DSG1: variants seen among roughly 807,000 people sequenced by gnomAD.
DSG1 encodes desmoglein 1, also known as desmoglein-1.
DSG1 carries 39 observed loss-of-function variants against 97.5 expected under a neutral mutation model. The ratio of observed to expected loss-of-function variants is 0.40; its 90% CI spans 0.31 to 0.52. The LOEUF is 0.52. Ranked by LOEUF, DSG1 falls within the 20% of genes least tolerant of loss-of-function variation. DSG1 has a pLI of 0.53. For synonymous variants in DSG1, 475 were observed against 443.4 expected, an observed-to-expected ratio of 1.07 and a Z score of -0.90; for missense variants, 1,311 against 1,295.4, an observed-to-expected ratio of 1.01 and a Z score of -0.18.
intron 14 of DSG1, among the ~76,000 whole-genome samples, chr18:31,353,467 G>T (rs1445162952): frequency 2.0e-5 from 3 of 152,078 alleles, no homozygotes; most frequent in African/African-American, 7.2e-5. Flanking sequence ...ACAGAGGCAG[G>T]CAGGCCTCCT....
chr18:31,352,807 G>GT (rs1488446783), intron 14 of DSG1, among the ~76,000 whole-genome samples: 4 of 146,128 alleles, frequency 2.7e-5, no homozygotes, highest in Non-Finnish European at 5.9e-5. Context: ...TCGAGCCTTG[G>GT]TTTTCAGCTC....
In DSG1 at chr18:31,337,896, AG is replaced by A. The variant is rs113933925; in HGVS notation, c.1266-413del. ...GCATGTGAGAAGGAGGAGCAGAAAC[AG>A]GGGGGAAGTTCAGGCCAAGCTGATG... is the stretch of plus-strand genomic sequence containing the variant. On this transcript the variant is annotated intron_variant, in intron 9 of 14. Coordinates refer to ENST00000257192, the MANE Select transcript of DSG1 (RefSeq NM_001942.4). Among the ~76,000 whole-genome samples, 688 of 152,242 alleles carry A rather than the reference AG, an allele frequency of 4.5e-3. 5 individuals are homozygous for A. The highest frequency in any genetic ancestry group is 0.016 in the African/African-American group (651 of 41,542).
intron 10 of DSG1, 68 bp from the exon 11 acceptor site, chr18:31,339,676 T>G (rs1346507637): frequency 4.1e-6 from 5 of 1,232,726 alleles, no homozygotes; most frequent in Non-Finnish European, 5.9e-6. Context: ...AAAAAATAAT[T>G]CTGTGTTGTC....
intron 1 of DSG1, among the ~76,000 whole-genome samples, chr18:31,323,599 C>T (rs527888395): frequency 3.3e-5 from 5 of 152,252 alleles, no homozygotes; most frequent in African/African-American, 1.2e-4. Flanking sequence ...CTCCTCCTAG[C>T]TTCTATCTTA....
At chr18:31,323,937 C>T (rs539692968) in intron 1 of DSG1, among the ~76,000 whole-genome samples, 2 of 149,950 alleles carry the variant, frequency 1.3e-5, no homozygotes, top group African/African-American at 2.5e-5. Flanking sequence ...TTGTTTCTTT[C>T]GCCATTCCTT....
intron 4 of DSG1, among the ~76,000 whole-genome samples, chr18:31,328,940 T>C (rs947875922): frequency 2.0e-5 from 3 of 152,134 alleles, no homozygotes; most frequent in African/African-American, 7.2e-5. Context: ...ATAGCTTAAG[T>C]ATCCTATCTC....
rs185980979 is a variant in DSG1 at position 31,330,681 on chromosome 18, C to T, written c.517+645C>T. Among the ~76,000 whole-genome samples the T allele has an allele frequency of 5.1e-4, 78 of 152,132 alleles. 1 individual carries two copies. In the East Asian group the frequency reaches 0.013, roughly 24 times the overall value. On this transcript the variant is annotated intron_variant, in intron 5 of 14. Transcript: ENST00000257192. ...TTCAGAGGTATGCACTGTGTACATG[C>T]GCTCCATAATTATGTAAACATAAAT... is the stretch of plus-strand genomic sequence containing the variant.
chr18:31,354,413 T>C lies in DSG1; in HGVS notation c.2217T>C (p.Ile739=), dbSNP rs1265749109. Residue 739 remains isoleucine, a synonymous_variant, in exon 15 of 15, where the codon ATT becomes ATC. Coordinates refer to ENST00000257192, the MANE Select transcript of DSG1 (RefSeq NM_001942.4). The part of the protein sequence containing the change: ...PAGSVGCCSF[I]GEDLDDSFLD... ...GCTCTGTGGGTTGTTGTAGCTTCAT[T>C]GGAGAAGACCTGGATGACAGCTTCT... The C allele has an allele frequency of 6.2e-7, 1 of 1,614,086 alleles. No homozygotes were observed. The highest frequency in any genetic ancestry group is 1.7e-5 in the Admixed American group (1 of 60,010).
chr18:31,345,965 A>C (rs766638529), intron 13 of DSG1, 25 bp from the exon 14 acceptor site: 20 of 1,595,416 alleles, frequency 1.3e-5, no homozygotes, highest in Non-Finnish European at 1.6e-5. Flanking sequence ...AAAGAAAATA[A>C]ATTTAATTTG....
intron 11 of DSG1, 62 bp downstream of exon 11, chr18:31,340,087 G>C (rs2071779749): frequency 6.7e-7 from 1 of 1,495,174 alleles, no homozygotes. Flanking sequence ...GAGGAGTTAA[G>C]TTTTCTGATT....
intron 3 of DSG1, among the ~76,000 whole-genome samples, chr18:31,327,326 A>G (rs77887955): frequency 0.01 from 1,592 of 152,316 alleles, 25 homozygotes; most frequent in African/African-American, 0.036. Context: ...AATTACTTCA[A>G]TGTGTGCTCT....
rs1048007886 is a variant in DSG1, at chr18:31,334,208, G to T, written c.1005+6G>T. ...GAATTTTAAAGGTTGTTAAGGTATGGTATAATTATCCTAAATATTTTGTTT... is the reference window on the plus strand; with the variant it reads ...GAATTTTAAAGGTTGTTAAGGTATGTTATAATTATCCTAAATATTTTGTTT... On this transcript the variant is annotated splice_donor_region_variant and intron_variant, in intron 8 of 14. Transcript: ENST00000257192. 6.5e-7 allele frequency: 1 copy of T among 1,537,732 alleles called. No homozygotes were observed. Among genetic ancestry groups the T allele is most frequent in the East Asian group, 2.3e-5 (1 of 44,304 alleles).
At chr18:31,336,684 A>G in intron 9 of DSG1, 71 bp downstream of exon 9, 1 of 1,466,284 alleles carries the variant, frequency 6.8e-7, no homozygotes, top group Non-Finnish European at 9.5e-7. Flanking sequence ...TTTATAGATT[A>G]TAAGTATCTG....
At chr18:31,337,540 A>T (rs1428230206) in intron 9 of DSG1, among the ~76,000 whole-genome samples, 1 of 152,136 alleles carries the variant, frequency 6.6e-6, no homozygotes, top group Admixed American at 6.5e-5. Flanking sequence ...GGCTTAAGCC[A>T]CCGCACTCAG....
chr18:31,346,246 C>G, intron 14 of DSG1, 48 bp downstream of exon 14: 1 of 1,468,498 alleles, frequency 6.8e-7, no homozygotes, highest in South Asian at 1.1e-5. Flanking sequence ...GTGCCTGCTG[C>G]TCTTCACCAA....
intron 14 of DSG1, chr18:31,347,650 A>T (rs1263984608): frequency 6.6e-6 from 1 of 152,248 alleles, no homozygotes; most frequent in Non-Finnish European, 1.5e-5. Context: ...ATGAAACGAA[A>T]GTGTATATGT....
chr18:31,320,864 T>A lies in DSG1; in HGVS notation c.48+2516T>A, dbSNP rs2071649226. ...GGAAAGCAAAACAGAGCCAGAGGGATCTCTATGGTTTTAATGATTTCTGAA... is the reference window on the plus strand; with the variant it reads ...GGAAAGCAAAACAGAGCCAGAGGGAACTCTATGGTTTTAATGATTTCTGAA... On this transcript the variant is annotated intron_variant, in intron 1 of 14. Coordinates refer to ENST00000257192, the MANE Select transcript of DSG1 (RefSeq NM_001942.4). 2.0e-5 allele frequency among the ~76,000 whole-genome samples: 3 copies of A among 152,050 alleles called. No individual in the cohort carries two copies. In the South Asian group the frequency reaches 6.2e-4, roughly 31 times the overall value.
At chr18:31,328,769 A>G (rs1321783744) in intron 4 of DSG1, among the ~76,000 whole-genome samples, 1 of 152,078 alleles carries the variant, frequency 6.6e-6, no homozygotes, top group African/African-American at 2.4e-5. Context: ...TTTAGGTCTA[A>G]TGACAAGTAA....
chr18:31,330,951 C>T (rs77112556), intron 5 of DSG1, among the ~76,000 whole-genome samples: 1,738 of 152,080 alleles, frequency 0.011, 26 homozygotes, highest in African/African-American at 0.039. Flanking sequence ...TGCCATGAAG[C>T]ATTTGTAGGA....
Sources: gnomAD v4.1 joint callset for allele counts (sites outside exome capture counted in the v4.1 genomes callset) on GRCh38, gnomAD v4.1.1 for gene constraint, MANE v1.5 for transcripts, NCBI Gene and HGNC (gene_info 2026-07-23, HGNC 2026-07-21) for gene names.